C12orf76: variants seen among roughly 807,000 people sequenced by gnomAD.
C12orf76 encodes uncharacterized protein C12orf76.
C12orf76 carries 6 observed loss-of-function variants against 6.8 expected under a neutral mutation model. The observed-to-expected ratio is 0.88, with a 90% CI of 0.48 to 1.73. C12orf76 has a LOEUF of 1.73. Among genes scored for constraint, C12orf76 ranks in the 40% most tolerant of loss-of-function variants. The pLI, the probability that C12orf76 is intolerant of heterozygous loss-of-function variation, is 0.01. For missense variants in C12orf76, 99 were observed against 98.2 expected (o/e 1.01, Z -0.03); for synonymous variants, 56 against 43.7 (o/e 1.28, Z -1.11).
At chr12:110,063,386 C>A (rs1015367558) in intron 2 of C12orf76, among the ~76,000 whole-genome samples, 1 of 151,578 alleles carries the variant, frequency 6.6e-6, no homozygotes, top group Non-Finnish European at 1.5e-5. Context: ...CGGGGTCAAG[C>A]GATTTTCCTG....
At chr12:110,042,784 G>A (rs1892347727) in intron 1 of C12orf76, among the ~76,000 whole-genome samples, 1 of 152,176 alleles carries the variant, frequency 6.6e-6, no homozygotes, top group Admixed American at 6.5e-5. Flanking sequence ...CAGGCCGAGT[G>A]TGGTGGCTCG....
chr12:110,051,396 G>A, upstream of C12orf76: 1 of 624,082 alleles, frequency 1.6e-6, no homozygotes, highest in East Asian at 2.7e-5. Flanking sequence ...GGCACATACT[G>A]AGCACTCGCT....
chr12:110,057,179 G>A (rs750629474), intron 4 of C12orf76: 10 of 1,590,958 alleles, frequency 6.3e-6, no homozygotes, highest in Admixed American at 3.3e-5. Context: ...AGTGACTTTC[G>A]CAGACTTACC....
At position 110,042,256 on chromosome 12, in the gene C12orf76, C is replaced by A; in HGVS notation, c.*118G>T. 2.7e-6 allele frequency: 2 copies of A among 744,490 alleles called. No individual in the cohort carries two copies. The highest frequency in any genetic ancestry group is 2.6e-5 in the East Asian group (1 of 39,154). 46.1% of individuals were successfully genotyped at this position (744,490 alleles called of 1,614,324 possible). A position where few individuals can be genotyped will look rare whatever the true frequency, so the allele number is the denominator to read the frequency against. On this transcript the variant is annotated 3_prime_UTR_variant, in exon 2 of 2. Coordinates refer to ENST00000615315, the MANE Select transcript of C12orf76 (RefSeq NM_001389625.1). ...TTCTAATTCATTTAGCATTTACCAA[C>A]TGTCCAGACCAAAGGTCATTTCCAA...
upstream of C12orf76, among the ~76,000 whole-genome samples, chr12:110,053,281 T>C (rs1365160650): frequency 6.6e-6 from 1 of 151,010 alleles, no homozygotes; most frequent in East Asian, 2.0e-4. Context: ...GGTGGATCAC[T>C]CAAGACCAGA....
In C12orf76 at chr12:110,048,391, C is replaced by T. The variant is rs572876017; in HGVS notation, c.105G>A (p.Pro35=). The part of the protein sequence containing the change: ...SPVDPLERSR[P]YAVLRGQNLV... Reference sequence around the variant, plus strand: ...GGTTCTGCCCTCGCAGCACCGCGTACGGCCGGCTCCGCTCCAGCGGATCCA... The same window carrying T: ...GGTTCTGCCCTCGCAGCACCGCGTATGGCCGGCTCCGCTCCAGCGGATCCA... The change falls in exon 1 of 2, where the codon CCG becomes CCA. Residue 35 remains proline (P), a synonymous_variant. Transcript: ENST00000615315. The T allele has an allele frequency of 4.8e-5, 72 of 1,515,064 alleles. No homozygotes were observed. The highest frequency in any genetic ancestry group is 6.0e-5 in the Non-Finnish European group (68 of 1,136,946). The allele number at this position is 1,515,064 out of a possible 1,614,324, so 93.9% of individuals were successfully genotyped here.
At chr12:110,073,383 C>T (rs768134686) in intron 1 of C12orf76, 1 of 512,416 alleles carries the variant, frequency 2.0e-6, no homozygotes, top group Non-Finnish European at 3.9e-6. Flanking sequence ...TGCTGTCAAC[C>T]ACTGCAGAGA....
upstream of C12orf76, chr12:110,051,309 G>A (rs1249110269): frequency 1.4e-6 from 1 of 703,074 alleles, no homozygotes; most frequent in South Asian, 1.5e-5. Flanking sequence ...CTGCACAATG[G>A]GAAGCATAAT....
exon 2 of C12orf76, chr12:110,065,928 C>T: frequency 6.2e-7 from 1 of 1,613,996 alleles, no homozygotes; most frequent in Non-Finnish European, 8.5e-7. Context: ...TTACTGTTCT[C>T]TTGGTCCCGT....
chr12:110,062,251 G>A (rs1384755653), intron 2 of C12orf76, among the ~76,000 whole-genome samples: 1 of 152,186 alleles, frequency 6.6e-6, no homozygotes, highest in Non-Finnish European at 1.5e-5. Context: ...GTGATTGAGT[G>A]AGACTCCATC....
chr12:110,060,972 A>G (rs1229381703), intron 2 of C12orf76, among the ~76,000 whole-genome samples: 1 of 151,498 alleles, frequency 6.6e-6, no homozygotes, highest in East Asian at 1.9e-4. Context: ...GAGGCGGAGG[A>G]TGCAGTGAGC....
intron 1 of C12orf76, among the ~76,000 whole-genome samples, chr12:110,043,087 A>G (rs900034487): frequency 6.6e-6 from 1 of 151,992 alleles, no homozygotes; most frequent in African/African-American, 2.4e-5. Flanking sequence ...AACAACAACA[A>G]AAAACTGAGA....
upstream of C12orf76, among the ~76,000 whole-genome samples, chr12:110,052,435 G>A (rs960706856): frequency 1.3e-5 from 2 of 151,802 alleles, no homozygotes; most frequent in African/African-American, 2.4e-5. Flanking sequence ...GGCCTCAAGC[G>A]ATTCTCCACC....
At chr12:110,065,727 C>A in intron 2 of C12orf76, 1 of 1,499,304 alleles carries the variant, frequency 6.7e-7, no homozygotes, top group Non-Finnish European at 9.3e-7. Context: ...CCCATGAGAG[C>A]TTCTAGAAAC....
upstream of C12orf76, among the ~76,000 whole-genome samples, chr12:110,053,882 G>A (rs1001511669): frequency 6.6e-6 from 1 of 151,980 alleles, no homozygotes; most frequent in Non-Finnish European, 1.5e-5. Context: ...CCAGGAGTTC[G>A]AGACCAGCCT....
intron 2 of C12orf76, among the ~76,000 whole-genome samples, chr12:110,064,731 C>T (rs987590395): frequency 6.6e-6 from 1 of 152,066 alleles, no homozygotes; most frequent in African/African-American, 2.4e-5. Context: ...CTCGCCTTCT[C>T]GGCCACTGTA....
At chr12:110,059,491 C>T (rs1892732690) in intron 2 of C12orf76, among the ~76,000 whole-genome samples, 2 of 152,226 alleles carry the variant, frequency 1.3e-5, no homozygotes, top group Non-Finnish European at 2.9e-5. Context: ...AACAACTGTG[C>T]TCACTGTCTG....
chr12:110,044,863 C>T (rs1233676685), intron 1 of C12orf76, among the ~76,000 whole-genome samples: 1 of 151,986 alleles, frequency 6.6e-6, no homozygotes, highest in African/African-American at 2.4e-5. Context: ...ATCCCAGCTA[C>T]TTGGGAGGCT....
intron 2 of C12orf76, chr12:110,059,230 A>G: frequency 6.7e-7 from 1 of 1,482,576 alleles, no homozygotes; most frequent in Non-Finnish European, 9.0e-7. Flanking sequence ...TTGCGACTTT[A>G]CTGAATTGGT....
Sources: gnomAD v4.1 joint callset for allele counts (sites outside exome capture counted in the v4.1 genomes callset) on GRCh38, gnomAD v4.1.1 for gene constraint, MANE v1.5 for transcripts, NCBI Gene and HGNC (gene_info 2026-07-23, HGNC 2026-07-21) for gene names.